Variants in EFR3A observed in about 807,000 individuals in gnomAD.
EFR3A encodes the protein EFR3 homolog A.
A neutral mutation model predicts 104.4 loss-of-function variants in EFR3A; 76 were observed. That is an observed-to-expected ratio of 0.73 (90% confidence interval 0.60 to 0.88). EFR3A has a LOEUF of 0.88. Among genes scored for constraint, EFR3A ranks in the 40% least tolerant of loss-of-function variants. The pLI is 0.00. For missense variants in EFR3A, 985 were observed against 1,012.5 expected (o/e 0.97, Z 0.37); for synonymous variants, 330 against 330.0 (o/e 1.00, Z 0.00).
At chr8:131,994,258 AAAAG>A (rs1421438973) in intron 18 of EFR3A, among the ~76,000 whole-genome samples, 6 of 152,118 alleles carry the variant, frequency 3.9e-5, no homozygotes, top group Middle Eastern at 6.8e-3. Flanking sequence ...AGAAAAAAAA[AAAAG>A]AGAGAGAAAG....
intron 1 of EFR3A, among the ~76,000 whole-genome samples, chr8:131,937,774 C>G (rs557936028): frequency 1.4e-4 from 20 of 139,874 alleles, no homozygotes; most frequent in African/African-American, 5.6e-4. Context: ...TATGCTCATC[C>G]CCCTCTTTTT....
At chr8:131,944,053 C>G (rs1008109857) in intron 2 of EFR3A, among the ~76,000 whole-genome samples, 7 of 152,088 alleles carry the variant, frequency 4.6e-5, no homozygotes, top group Non-Finnish European at 1.0e-4. Context: ...GATTCACTGT[C>G]TAACATAGTT....
At position 131,968,450 on chromosome 8, in the gene EFR3A, A is replaced by G. The variant is rs1586623292; in HGVS notation, c.991+20A>G. 1.2e-6 allele frequency: 2 copies of G among 1,612,596 alleles called. No homozygotes were observed. The highest frequency in any genetic ancestry group is 1.7e-6 in the Non-Finnish European group (2 of 1,178,872). On this transcript the variant is annotated intron_variant, in intron 9 of 22. Coordinates refer to ENST00000254624, the MANE Select transcript of EFR3A (RefSeq NM_015137.6). ...CCATAGGTGAGTGCCAATAAATAAA[A>G]TAAAATAGTGCGTTGATCTGGTTCA...
At chr8:131,949,048 G>C (rs1168866647) in intron 4 of EFR3A, among the ~76,000 whole-genome samples, 1 of 151,826 alleles carries the variant, frequency 6.6e-6, no homozygotes, top group Admixed American at 6.6e-5. Flanking sequence ...TTCAAATATA[G>C]AAAAGTGTGG....
chr8:131,954,088 G>T, intron 6 of EFR3A, 121 bp downstream of exon 6: 2 of 1,031,668 alleles, frequency 1.9e-6, no homozygotes, highest in Non-Finnish European at 2.6e-6. Context: ...AAAGTTAAGT[G>T]AGTTTAAAAA....
intron 22 of EFR3A, among the ~76,000 whole-genome samples, chr8:132,004,256 A>G (rs532386659): frequency 1.3e-5 from 2 of 152,330 alleles, no homozygotes; most frequent in African/African-American, 4.8e-5. Flanking sequence ...GGGGTCCCCA[A>G]CCCTCAGTCC....
At chr8:131,988,178 C>CT (rs1247658420) in intron 18 of EFR3A, among the ~76,000 whole-genome samples, 2 of 120,186 alleles carry the variant, frequency 1.7e-5, no homozygotes, top group African/African-American at 3.0e-5. Context: ...TATATATTTT[C>CT]TCTGTGAACT....
intron 12 of EFR3A, among the ~76,000 whole-genome samples, chr8:131,977,419 T>G (rs1194727327): frequency 6.6e-6 from 1 of 152,130 alleles, no homozygotes; most frequent in African/African-American, 2.4e-5. Context: ...AAAACAGAAC[T>G]CAGACTTGAA....
chr8:131,940,941 C>T (rs1262785024), intron 2 of EFR3A, among the ~76,000 whole-genome samples: 2 of 151,944 alleles, frequency 1.3e-5, no homozygotes, highest in Non-Finnish European at 2.9e-5. Flanking sequence ...AGGTTTTCTG[C>T]TCTCATTATG....
rs768695585 is a variant in EFR3A, at chr8:132,010,967, T to C, written c.*72T>C. On this transcript the variant is annotated 3_prime_UTR_variant, in exon 23 of 23. Coordinates refer to ENST00000254624, the MANE Select transcript of EFR3A (RefSeq NM_015137.6). ...AAGGCCAAGCTGAGCTTTCAGGGTT[T>C]ACTTAATGTGTATTAACATACTTCT... 189 of 1,473,276 alleles carry C rather than the reference T, an allele frequency of 1.3e-4. No individual in the cohort carries two copies. Among genetic ancestry groups the C allele is most frequent in the East Asian group, 7.6e-4 (32 of 42,148 alleles). 91.3% of individuals were successfully genotyped at this position (1,473,276 alleles called of 1,614,324 possible).
intron 5 of EFR3A, among the ~76,000 whole-genome samples, chr8:131,951,349 T>TA (rs1471416269): frequency 6.6e-6 from 1 of 152,066 alleles, no homozygotes; most frequent in African/African-American, 2.4e-5. Context: ...TTCTCAGAGG[T>TA]AAAAAATACT....
rs200105201 is a variant in EFR3A at position 131,968,451 on chromosome 8, T to G, written c.991+21T>G. On this transcript the variant is annotated intron_variant, in intron 9 of 22. Transcript: ENST00000254624. ...CATAGGTGAGTGCCAATAAATAAAA[T>G]AAAATAGTGCGTTGATCTGGTTCAA... 3.5e-5 allele frequency: 57 copies of G among 1,612,170 alleles called. No homozygotes were observed. In the Admixed American group the frequency reaches 9.5e-4, roughly 27 times the overall value.
In EFR3A at chr8:131,984,304, T is replaced by G. The variant is rs764543566; in HGVS notation, c.1737+4T>G. 3 of 1,577,952 alleles carry G rather than the reference T, an allele frequency of 1.9e-6. No homozygotes were observed. Among genetic ancestry groups the G allele is most frequent in the Non-Finnish European group, 1.7e-6 (2 of 1,164,144 alleles). ...TCGACTGGCCATTGCTTTACAGGTA[T>G]GCTTTCATAACCGTTCACTGCAGAA... On this transcript the variant is annotated splice_donor_region_variant and intron_variant, in intron 15 of 22. Transcript: ENST00000254624.
At chr8:131,922,599 C>T (rs906332013) in intron 1 of EFR3A, among the ~76,000 whole-genome samples, 1 of 152,116 alleles carries the variant, frequency 6.6e-6, no homozygotes, top group Non-Finnish European at 1.5e-5. Context: ...TTGTCCATTG[C>T]TTCTTAAAAT....
chr8:131,986,800 A>G (rs1820908845), intron 17 of EFR3A, among the ~76,000 whole-genome samples: 1 of 141,106 alleles, frequency 7.1e-6, no homozygotes, highest in Non-Finnish European at 1.5e-5. Context: ...AAAAAAAAAA[A>G]AAAAAAAAGA....
intron 17 of EFR3A, 112 bp downstream of exon 17, chr8:131,986,373 C>T (rs1187688247): frequency 2.0e-6 from 1 of 501,278 alleles, no homozygotes; most frequent in Non-Finnish European, 3.5e-6. Flanking sequence ...TTATACTAAT[C>T]ATCATTTTGT....
At position 131,978,833 on chromosome 8, in the gene EFR3A, T is replaced by C; in HGVS notation, c.1327-14T>C. The C allele has an allele frequency of 6.6e-7, 1 of 1,512,504 alleles. No homozygotes were observed. The highest frequency in any genetic ancestry group is 8.8e-7 in the Non-Finnish European group (1 of 1,130,458). The allele number at this position is 1,512,504 out of a possible 1,614,324, so 93.7% of individuals were successfully genotyped here. A position where few individuals can be genotyped will look rare whatever the true frequency, so the allele number is the denominator to read the frequency against. On this transcript the variant is annotated splice_polypyrimidine_tract_variant and intron_variant, in intron 12 of 22. Transcript: ENST00000254624. Reference sequence around the variant, plus strand: ...TCATGACAAAAGGTTGTTTGTTTTCTTCTCGATAATCAGGTGACCTCTGGA... The same window carrying C: ...TCATGACAAAAGGTTGTTTGTTTTCCTCTCGATAATCAGGTGACCTCTGGA...
At chr8:131,963,743 C>G (rs1819535636) in intron 8 of EFR3A, among the ~76,000 whole-genome samples, 1 of 152,116 alleles carries the variant, frequency 6.6e-6, no homozygotes, top group Non-Finnish European at 1.5e-5. Flanking sequence ...CATCCTGATA[C>G]CAAAGCCTGG....
At chr8:131,908,415 G>T (rs1816356985) in intron 1 of EFR3A, among the ~76,000 whole-genome samples, 1 of 152,052 alleles carries the variant, frequency 6.6e-6, no homozygotes, top group African/African-American at 2.4e-5. Flanking sequence ...TTTTTTATAG[G>T]CTTAGTAGCA....
Sources: gnomAD v4.1 joint callset for allele counts (sites outside exome capture counted in the v4.1 genomes callset) on GRCh38, gnomAD v4.1.1 for gene constraint, MANE v1.5 for transcripts, NCBI Gene and HGNC (gene_info 2026-07-23, HGNC 2026-07-21) for gene names.